SSUH2: variants seen among roughly 807,000 people sequenced by gnomAD.
The protein encoded by SSUH2 is ssu-2 homolog, also known as protein SSUH2 homolog.
Under a neutral mutation model 55.3 loss-of-function variants are expected in SSUH2, and 47 were observed. The ratio of observed to expected loss-of-function variants is 0.85; its 90% confidence interval spans 0.67 to 1.08. The LOEUF is 1.08. Among genes scored for constraint, SSUH2 ranks in the 50% least tolerant of loss-of-function variants. The pLI is 0.00. For synonymous variants in SSUH2, 212 were observed against 191.5 expected, an observed-to-expected ratio of 1.11 and a Z score of -0.89; for missense variants, 535 against 490.7, an observed-to-expected ratio of 1.09 and a Z score of -0.85.
At chr3:8,631,320 A>C (rs1698725828) in intron 5 of SSUH2, among the ~76,000 whole-genome samples, 1 of 152,222 alleles carries the variant, frequency 6.6e-6, no homozygotes, top group Admixed American at 6.5e-5. Context: ...GGGATGACAC[A>C]CAAGAATTGT....
At chr3:8,662,043 ACTGTGGATCCATTAAACCTT>A (rs890217006) in intron 6 of SSUH2, among the ~76,000 whole-genome samples, 8 of 152,080 alleles carry the variant, frequency 5.3e-5, no homozygotes, top group Non-Finnish European at 1.2e-4. Flanking sequence ...GCCACGTGGA[ACTGTGGATCCATTAAACCTT>A]CTTTTCTTTA....
At chr3:8,676,635 C>A (rs1272804688) in intron 3 of SSUH2, among the ~76,000 whole-genome samples, 3 of 151,002 alleles carry the variant, frequency 2.0e-5, no homozygotes, top group Non-Finnish European at 4.4e-5. Flanking sequence ...TATGGGGAGT[C>A]ATATCTGCCT....
chr3:8,667,187 T>A (rs903012911), intron 5 of SSUH2, among the ~76,000 whole-genome samples: 1 of 152,248 alleles, frequency 6.6e-6, no homozygotes, highest in African/African-American at 2.4e-5. Context: ...TTCTTGATTA[T>A]ATAACAAACA....
chr3:8,678,358 G>C (rs1705589504), intron 2 of SSUH2, among the ~76,000 whole-genome samples: 1 of 152,034 alleles, frequency 6.6e-6, no homozygotes, highest in Admixed American at 6.5e-5. Flanking sequence ...GTCTATTATG[G>C]GGAGTAATAT....
At chr3:8,667,464 G>T (rs1704093928) in intron 5 of SSUH2, among the ~76,000 whole-genome samples, 1 of 152,186 alleles carries the variant, frequency 6.6e-6, no homozygotes, top group African/African-American at 2.4e-5. Flanking sequence ...TATTTTATCA[G>T]CAGGGTCTTT....
chr3:8,659,485 C>A (rs1575323263), intron 6 of SSUH2: 1 of 210,554 alleles, frequency 4.7e-6, no homozygotes, highest in African/African-American at 2.4e-5. Flanking sequence ...TCCCTTCTTT[C>A]TGACCTCTGG....
intron 7 of SSUH2, 31 bp downstream of exon 7, chr3:8,629,633 C>CTGACTCACCACTGGTTCACAGA (rs1553567113): frequency 6.3e-7 from 1 of 1,587,726 alleles, no homozygotes; most frequent in South Asian, 1.1e-5. Flanking sequence ...CACACCCTCA[C>CTGACTCACCACTGGTTCACAGA]TGACTCACCA....
At chr3:8,652,686 C>A (rs1428361239) in intron 7 of SSUH2, among the ~76,000 whole-genome samples, 2 of 152,178 alleles carry the variant, frequency 1.3e-5, no homozygotes, top group Non-Finnish European at 2.9e-5. Flanking sequence ...CCCTGATATA[C>A]CTATATCGAG....
chr3:8,621,740 C>T (rs1219841997), intron 11 of SSUH2, among the ~76,000 whole-genome samples: 9 of 152,128 alleles, frequency 5.9e-5, no homozygotes, highest in Admixed American at 3.9e-4. Flanking sequence ...ATGACAATTT[C>T]GGAAATAAAA....
intron 2 of SSUH2, among the ~76,000 whole-genome samples, chr3:8,679,301 CAT>C (rs1705772509): frequency 9.1e-6 from 1 of 110,080 alleles, no homozygotes; most frequent in African/African-American, 3.1e-5. Flanking sequence ...AGCCACCCCC[CAT>C]GAGGCGGGGA....
chr3:8,677,945 G>A (rs11708640), intron 2 of SSUH2, among the ~76,000 whole-genome samples: 10,008 of 150,648 alleles, frequency 0.066, 665 homozygotes, highest in South Asian at 0.12. Flanking sequence ...ATGTACACCC[G>A]TCTGTACTGG....
At chr3:8,627,812 G>A (rs141418100) in intron 7 of SSUH2, 29 bp from the exon 8 acceptor site, 463 of 1,585,946 alleles carry the variant, frequency 2.9e-4, no homozygotes, top group Non-Finnish European at 3.6e-4. Flanking sequence ...CTCAGCCCCC[G>A]CTGGCCTCCC....
At chr3:8,671,786 C>T (rs983117388) in intron 4 of SSUH2, 3 of 151,474 alleles carry the variant, frequency 2.0e-5, no homozygotes, top group Non-Finnish European at 2.9e-5. Context: ...AGGAAAAATC[C>T]GGGAGTAATA....
intron 2 of SSUH2, among the ~76,000 whole-genome samples, chr3:8,677,703 C>G (rs1705523179): frequency 6.6e-6 from 1 of 150,712 alleles, no homozygotes; most frequent in African/African-American, 2.4e-5. Flanking sequence ...AGGATTGCCC[C>G]CCTGTTTTAG....
Position 8,631,972 on chromosome 3 carries a change from A to G in SSUH2, c.400+77T>C, listed in dbSNP as rs1226621574. On this transcript the variant is annotated intron_variant, in intron 5 of 11. Transcript: ENST00000544814. Reference sequence around the variant, plus strand: ...CCATCTTATTTGAGATGAGTGCCTGAGCCAAGTCCTGATATTTTCCACCAG... The same window carrying G: ...CCATCTTATTTGAGATGAGTGCCTGGGCCAAGTCCTGATATTTTCCACCAG... 4 of 1,192,460 alleles carry G rather than the reference A, an allele frequency of 3.4e-6. No individual in the cohort carries two copies. The East Asian group carries it at 9.4e-5, about 28-fold the overall frequency. 73.9% of individuals were successfully genotyped at this position (1,192,460 alleles called of 1,614,324 possible).
chr3:8,649,407 C>T (rs79727180), upstream of SSUH2, among the ~76,000 whole-genome samples: 4,196 of 152,092 alleles, frequency 0.028, 197 homozygotes, highest in African/African-American at 0.095. Flanking sequence ...ATTGTGTGCC[C>T]GTCCATCCGT....
intron 1 of SSUH2, among the ~76,000 whole-genome samples, chr3:8,640,622 G>T (rs554222203): frequency 2.6e-5 from 4 of 152,068 alleles, no homozygotes; most frequent in African/African-American, 9.6e-5. Flanking sequence ...AGAACACAGA[G>T]AAAAAAGGAA....
upstream of SSUH2, among the ~76,000 whole-genome samples, chr3:8,648,513 A>G (rs537186157): frequency 6.6e-6 from 1 of 152,230 alleles, no homozygotes; most frequent in African/African-American, 2.4e-5. Context: ...TTCCTAGCCA[A>G]TCCTGAACCT....
At chr3:8,674,934 A>C (rs1705065671) in intron 3 of SSUH2, among the ~76,000 whole-genome samples, 1 of 152,142 alleles carries the variant, frequency 6.6e-6, no homozygotes, top group African/African-American at 2.4e-5. Flanking sequence ...TTAGGCAAAA[A>C]CAGGACCGGG....
Sources: gnomAD v4.1 joint callset for allele counts (sites outside exome capture counted in the v4.1 genomes callset) on GRCh38, gnomAD v4.1.1 for gene constraint, MANE v1.5 for transcripts, NCBI Gene and HGNC (gene_info 2026-07-23, HGNC 2026-07-21) for gene names.